Variants in CCR3 observed in about 807,000 individuals in gnomAD.
CCR3 encodes C-C chemokine receptor type 3.
For missense variants in CCR3, 419 were observed against 437.5 expected (o/e 0.96, Z 0.38); for synonymous variants, 203 against 179.2 (o/e 1.13, Z -1.06).
intron 2 of CCR3, among the ~76,000 whole-genome samples, chr3:46,231,934 C>T (rs1699969673): frequency 6.6e-6 from 1 of 152,032 alleles, no homozygotes; most frequent in South Asian, 2.1e-4. Context: ...GTGTGAGGTA[C>T]CATGGAAATA....
chr3:46,242,721 C>CT (rs1272878820), intron 1 of CCR3, among the ~76,000 whole-genome samples, 183 bp downstream of exon 1: 1 of 151,642 alleles, frequency 6.6e-6, no homozygotes, highest in Non-Finnish European at 1.5e-5. Flanking sequence ...TTTCTTCTTG[C>CT]TTTTTCTAAT....
chr3:46,253,731 T>C (rs1457310103), intron 1 of CCR3, among the ~76,000 whole-genome samples: 1 of 152,208 alleles, frequency 6.6e-6, no homozygotes, highest in Non-Finnish European at 1.5e-5. Flanking sequence ...TCTACTTTTA[T>C]TTTAGGTTCA....
chr3:46,211,816 A>G lies in CCR3; in HGVS notation c.-68+909A>G, dbSNP rs1204039050. Among the ~76,000 whole-genome samples the G allele has an allele frequency of 4.6e-5, 7 of 152,252 alleles. No individual in the cohort carries two copies. The East Asian group carries it at 1.2e-3, about 25-fold the overall frequency. The stretch of plus-strand genomic sequence containing the variant: ...GCTTTTGTCACTGAACCTCATACCC[A>G]GAAGATTCTTCTCCACCAGCAAGCA... On this transcript the variant is annotated intron_variant, in intron 2 of 3. Coordinates refer to the CCR3 transcript ENST00000357422.
chr3:46,213,564 A>G (rs760243721), intron 2 of CCR3, among the ~76,000 whole-genome samples: 2 of 152,146 alleles, frequency 1.3e-5, no homozygotes, highest in Non-Finnish European at 2.9e-5. Context: ...TTCTACCACA[A>G]TGCACAAATT....
Position 46,265,285 on chromosome 3 carries a change from C to T in CCR3, c.127C>T (p.Leu43=), listed in dbSNP as rs995270819. The T allele has an allele frequency of 6.2e-7, 1 of 1,614,088 alleles. No individual in the cohort carries two copies. The highest frequency in any genetic ancestry group is 8.5e-7 in the Non-Finnish European group (1 of 1,180,004). The change falls in exon 2 of 2, where the codon CTG becomes TTG. Residue 43 remains leucine (L), a synonymous_variant. Coordinates refer to ENST00000395940, the MANE Select transcript of CCR3 (RefSeq NM_178329.3). ...CCAGTTTGTGCCCCCGCTGTACTCC[C>T]TGGTGTTCACTGTGGGCCTCTTGGG... is the stretch of plus-strand genomic sequence containing the variant. ...MAQFVPPLYS[L]VFTVGLLGNV...
chr3:46,242,963 G>GTATATATATATACACACA lies in CCR3; in HGVS notation c.-12+437_-12+438insCACACATATATATATATA, dbSNP rs529496808. On this transcript the variant is annotated intron_variant, in intron 1 of 1. Transcript: ENST00000395940. ...AAAATATAATTTTACATATATATGT[G>GTATATATATATACACACA]TATATATATATATATACACATATAT... Among the ~76,000 whole-genome samples, 7 of 86,298 alleles carry GTATATATATATACACACA rather than the reference G, an allele frequency of 8.1e-5. 1 individual carries two copies. Among genetic ancestry groups the GTATATATATATACACACA allele is most frequent in the Non-Finnish European group, 1.5e-4 (7 of 45,226 alleles). The allele number at this position is 86,298 out of a possible 152,430, so 56.6% of individuals were successfully genotyped here.
At chr3:46,215,733 G>A (rs1043700468) in intron 2 of CCR3, among the ~76,000 whole-genome samples, 1 of 152,210 alleles carries the variant, frequency 6.6e-6, no homozygotes, top group African/African-American at 2.4e-5. Flanking sequence ...TGGGGCTAGA[G>A]AAATGAGTTG....
chr3:46,216,429 A>G (rs1005604823), intron 2 of CCR3, among the ~76,000 whole-genome samples: 3 of 152,210 alleles, frequency 2.0e-5, no homozygotes, highest in Non-Finnish European at 4.4e-5. Context: ...CTGAGGGAAT[A>G]ATTGAGGAAA....
chr3:46,223,752 T>C (rs35613615), intron 2 of CCR3, among the ~76,000 whole-genome samples: 9,336 of 152,262 alleles, frequency 0.061, 478 homozygotes, highest in South Asian at 0.25. Flanking sequence ...GAAGCAAGAA[T>C]TCTTTTGGCT....
chr3:46,223,968 G>A (rs547116509), intron 2 of CCR3, among the ~76,000 whole-genome samples: 8 of 152,254 alleles, frequency 5.3e-5, no homozygotes, highest in Admixed American at 5.2e-4. Context: ...GAGCTGGGTA[G>A]AAAGCAGCAT....
intron 1 of CCR3, among the ~76,000 whole-genome samples, chr3:46,258,311 G>A (rs1046248374): frequency 6.6e-6 from 1 of 152,102 alleles, no homozygotes; most frequent in African/African-American, 2.4e-5. Context: ...TTCTTAACAC[G>A]ATGCAACTAA....
chr3:46,218,250 C>T (rs1340900652), intron 2 of CCR3, among the ~76,000 whole-genome samples: 1 of 151,852 alleles, frequency 6.6e-6, no homozygotes, highest in African/African-American at 2.4e-5. Flanking sequence ...AATGTACCAC[C>T]CTCCTAGATT....
chr3:46,240,449 C>T (rs1700069107), upstream of CCR3, among the ~76,000 whole-genome samples: 1 of 152,134 alleles, frequency 6.6e-6, no homozygotes, highest in African/African-American at 2.4e-5. Context: ...TTCCTGGAAA[C>T]TCTCCCTACC....
chr3:46,222,861 C>T (rs986568084), intron 2 of CCR3, among the ~76,000 whole-genome samples: 2 of 152,170 alleles, frequency 1.3e-5, no homozygotes, highest in African/African-American at 4.8e-5. Flanking sequence ...ATGGGAGCTA[C>T]GTGGCTATTT....
At chr3:46,236,219 CCAG>C (rs1700022825) in intron 2 of CCR3, among the ~76,000 whole-genome samples, 1 of 152,094 alleles carries the variant, frequency 6.6e-6, no homozygotes, top group Non-Finnish European at 1.5e-5. Flanking sequence ...TGAAACAGCA[CCAG>C]CAGAAGTGTG....
chr3:46,244,957 T>C (rs1014179513), intron 1 of CCR3, among the ~76,000 whole-genome samples: 1 of 152,226 alleles, frequency 6.6e-6, no homozygotes, highest in Non-Finnish European at 1.5e-5. Flanking sequence ...TTATTTGGAA[T>C]GTATATGCAT....
intron 2 of CCR3, among the ~76,000 whole-genome samples, chr3:46,219,258 T>C (rs1699807621): frequency 6.6e-6 from 1 of 152,062 alleles, no homozygotes; most frequent in Admixed American, 6.6e-5. Flanking sequence ...TATAAAATAC[T>C]TAGGAATATA....
intron 2 of CCR3, among the ~76,000 whole-genome samples, chr3:46,212,667 T>C (rs1413168025): frequency 6.6e-6 from 1 of 152,106 alleles, no homozygotes; most frequent in Non-Finnish European, 1.5e-5. Flanking sequence ...AACTCCAACT[T>C]GACAAACCAA....
At chr3:46,261,378 G>C (rs1220667053) in intron 1 of CCR3, among the ~76,000 whole-genome samples, 1 of 152,128 alleles carries the variant, frequency 6.6e-6, no homozygotes, top group Non-Finnish European at 1.5e-5. Context: ...AGAATATAAG[G>C]TACAAAATCA....
Sources: allele counts gnomAD v4.1 joint callset (sites outside exome capture counted in the v4.1 genomes callset), GRCh38; gene constraint gnomAD v4.1.1; transcripts MANE v1.5; gene names NCBI Gene and HGNC (gene_info 2026-07-23, HGNC 2026-07-21).